The following ACO1 variants were observed in gnomAD, a reference collection of about 807,000 sequenced individuals.
ACO1 encodes the protein aconitase 1.
ACO1 carries 78 observed loss-of-function variants against 105.1 expected under a neutral mutation model. The ratio of observed to expected loss-of-function variants is 0.74; its 90% CI spans 0.62 to 0.90. The LOEUF (loss-of-function observed/expected upper bound fraction) is 0.90. Ranked by LOEUF, ACO1 falls within the 40% of genes least tolerant of loss-of-function variation. The pLI, the probability that ACO1 is intolerant of heterozygous loss-of-function variation, is 0.00. For synonymous variants in ACO1, 364 were observed against 397.4 expected (o/e 0.92, Z 1.00); for missense variants, 965 against 1,111.1 (o/e 0.87, Z 1.87).
intron 6 of ACO1, 28 bp downstream of exon 6, chr9:32,418,539 T>C: frequency 6.3e-7 from 1 of 1,590,824 alleles, no homozygotes; most frequent in Non-Finnish European, 8.6e-7. Flanking sequence ...TATGCTGTTT[T>C]GGGGCATGCA....
At position 32,418,538 on chromosome 9, in the gene ACO1, T is replaced by C. The variant is rs763691738; in HGVS notation, c.658+27T>C. ...TGAGTGTTCTTCCATATATGCTGTT[T>C]TGGGGCATGCACTTTAATTCACTGT... On this transcript the variant is annotated intron_variant, in intron 6 of 20. Transcript: ENST00000309951. The C allele has an allele frequency of 6.9e-6, 11 of 1,591,598 alleles. No individual in the cohort carries two copies. The South Asian group carries it at 9.1e-5, about 13-fold the overall frequency.
chr9:32,441,478 T>A (rs775565408), intron 19 of ACO1, among the ~76,000 whole-genome samples: 2 of 152,186 alleles, frequency 1.3e-5, no homozygotes, highest in Non-Finnish European at 2.9e-5. Flanking sequence ...TCTCCAGACA[T>A]TTAGGCTTCT....
chr9:32,405,364 T>C, intron 1 of ACO1, 121 bp from the exon 2 acceptor site: 1 of 633,262 alleles, frequency 1.6e-6, no homozygotes. Flanking sequence ...AGTGTGTACA[T>C]AGTTAAAAAT....
At chr9:32,418,238 A>C (rs779854970) in intron 5 of ACO1, 41 bp downstream of exon 5, 29 of 1,613,182 alleles carry the variant, frequency 1.8e-5, no homozygotes, top group Non-Finnish European at 2.5e-5. Flanking sequence ...TTTTCTTTGT[A>C]GGCAGGGTAC....
At position 32,416,671 on chromosome 9, in the gene ACO1, G is replaced by A. The variant is rs113828103; in HGVS notation, c.405-1457G>A. On this transcript the variant is annotated intron_variant, in intron 4 of 20. Coordinates refer to ENST00000309951, the MANE Select transcript of ACO1 (RefSeq NM_002197.3). The stretch of plus-strand genomic sequence containing the variant: ...AGTGGGCAGTGAGCACACAGCTTTT[G>A]CACCATTGCATTTTCAGCATGTAGC... 9.5e-4 allele frequency among the ~76,000 whole-genome samples: 144 copies of A among 152,280 alleles called. 1 individual carries two copies. The highest frequency in any genetic ancestry group is 3.4e-3 in the African/African-American group (141 of 41,556).
At chr9:32,410,872 A>G (rs11793098) in intron 4 of ACO1, among the ~76,000 whole-genome samples, 38,921 of 152,192 alleles carry the variant, frequency 0.26, 5,779 homozygotes, top group South Asian at 0.47. Flanking sequence ...GAGCACAGTC[A>G]GGAAGCTCTG....
chr9:32,421,533 C>G (rs554201446), intron 8 of ACO1, among the ~76,000 whole-genome samples: 2 of 152,268 alleles, frequency 1.3e-5, no homozygotes, highest in African/African-American at 4.8e-5. Context: ...CTCTGCAACA[C>G]CCCTCTCAGG....
intron 12 of ACO1, 39 bp downstream of exon 12, chr9:32,427,475 A>T: frequency 6.2e-7 from 1 of 1,613,262 alleles, no homozygotes; most frequent in Non-Finnish European, 8.5e-7. Context: ...GCTTTTGTTG[A>T]ATTGTATCCC....
intron 14 of ACO1, among the ~76,000 whole-genome samples, chr9:32,431,110 C>G (rs371424838): frequency 6.6e-6 from 1 of 152,136 alleles, no homozygotes; most frequent in Non-Finnish European, 1.5e-5. Flanking sequence ...TGCAGATTTG[C>G]GTAGTCACTA....
rs150373174 is a variant in ACO1 at position 32,421,010 on chromosome 9, C to T, written c.953C>T (p.Thr318Met). ...AFFPVDEVSITYLVQTGRDEE... is the reference protein window; with the variant it reads ...AFFPVDEVSIMYLVQTGRDEE... Reference sequence around the variant, plus strand: ...TTCCCAGTTGATGAAGTTAGTATCACGTACCTGGTGCAAACAGGTAAGTGA... The same window carrying T: ...TTCCCAGTTGATGAAGTTAGTATCATGTACCTGGTGCAAACAGGTAAGTGA... The change falls in exon 8 of 21, where the codon ACG (threonine) becomes ATG (methionine). Residue 318 changes from threonine (T) to methionine (M), a missense_variant. Transcript: ENST00000309951. The T allele has an allele frequency of 1.5e-4, 247 of 1,614,042 alleles. No individual in the cohort carries two copies. The East Asian group carries it at 4.9e-3, about 32-fold the overall frequency.
chr9:32,394,924 G>A (rs948813750), intron 1 of ACO1, among the ~76,000 whole-genome samples: 4 of 119,222 alleles, frequency 3.4e-5, no homozygotes, highest in South Asian at 3.3e-4. Context: ...GACACTTGGC[G>A]AATTCACAGA....
chr9:32,449,970 A>T, intron 20 of ACO1, 28 bp from the exon 21 acceptor site: 1 of 1,593,418 alleles, frequency 6.3e-7, no homozygotes, highest in Non-Finnish European at 8.6e-7. Flanking sequence ...ACCTCCCTCA[A>T]TGATGCTTCT....
chr9:32,394,259 C>G (rs1179013717), intron 1 of ACO1, among the ~76,000 whole-genome samples: 1 of 152,066 alleles, frequency 6.6e-6, no homozygotes, highest in Admixed American at 6.5e-5. Context: ...TTCTCTCCCC[C>G]TCTGATGCTC....
chr9:32,418,777 T>G (rs552742398), intron 6 of ACO1, among the ~76,000 whole-genome samples: 3 of 152,198 alleles, frequency 2.0e-5, no homozygotes, highest in African/African-American at 7.2e-5. Context: ...AAATAGAGAC[T>G]CCCAAAGCTT....
chr9:32,387,134 C>T (rs1182077208), intron 1 of ACO1, among the ~76,000 whole-genome samples: 3 of 152,282 alleles, frequency 2.0e-5, no homozygotes, highest in Non-Finnish European at 4.4e-5. Context: ...CTTCCTTCTA[C>T]ATAGGAAGTA....
intron 19 of ACO1, among the ~76,000 whole-genome samples, chr9:32,448,538 C>G (rs572091985): frequency 1.3e-5 from 2 of 152,202 alleles, no homozygotes; most frequent in South Asian, 4.1e-4. Flanking sequence ...ATGGGAAAAG[C>G]GCAGTATCTG....
At chr9:32,432,067 G>A (rs1822251525) in intron 15 of ACO1, among the ~76,000 whole-genome samples, 1 of 152,126 alleles carries the variant, frequency 6.6e-6, no homozygotes, top group African/African-American at 2.4e-5. Flanking sequence ...ACAAGTTGGT[G>A]ACAGCCTAGA....
intron 19 of ACO1, among the ~76,000 whole-genome samples, chr9:32,443,309 A>G (rs892636659): frequency 2.0e-5 from 3 of 152,158 alleles, no homozygotes; most frequent in African/African-American, 7.2e-5. Context: ...TCAGTCTAGA[A>G]GATGTATGGC....
At position 32,408,663 on chromosome 9, in the gene ACO1, A is replaced by C; in HGVS notation, c.404+12A>C. 6.2e-7 allele frequency: 1 copy of C among 1,613,808 alleles called. No individual in the cohort carries two copies. The highest frequency in any genetic ancestry group is 8.5e-7 in the Non-Finnish European group (1 of 1,179,874). Reference sequence around the variant, plus strand: ...GATTTCAACAGAAGGTGAGAGATTAAAACGAATACCTGAGTGTTCTGCTTT... The same window carrying C: ...GATTTCAACAGAAGGTGAGAGATTACAACGAATACCTGAGTGTTCTGCTTT... On this transcript the variant is annotated intron_variant, in intron 4 of 20. Coordinates refer to ENST00000309951, the MANE Select transcript of ACO1 (RefSeq NM_002197.3).
Sources: gnomAD v4.1 joint callset for allele counts (sites outside exome capture counted in the v4.1 genomes callset) on GRCh38, gnomAD v4.1.1 for gene constraint, MANE v1.5 for transcripts, NCBI Gene and HGNC (gene_info 2026-07-23, HGNC 2026-07-21) for gene names.